PATJ: variants seen among roughly 807,000 people sequenced by gnomAD.
PATJ encodes the protein inaD-like protein.
A neutral mutation model predicts 224.9 loss-of-function variants in PATJ; 190 were observed. That is an observed-to-expected ratio of 0.84 (90% CI 0.75 to 0.95). PATJ has a LOEUF of 0.95. PATJ is among the 40% of genes least tolerant of loss of function. PATJ has a pLI of 0.00. For synonymous variants in PATJ, 769 were observed against 820.3 expected, an observed-to-expected ratio of 0.94 and a Z score of 1.07; for missense variants, 2,121 against 2,270.3, an observed-to-expected ratio of 0.93 and a Z score of 1.34.
At chr1:62,040,539 T>A (rs1442387269) in intron 30 of PATJ, among the ~76,000 whole-genome samples, 1 of 152,042 alleles carries the variant, frequency 6.6e-6, no homozygotes, top group Non-Finnish European at 1.5e-5. Context: ...AAGATAAAAA[T>A]TAAAAGAAAA....
intron 14 of PATJ, among the ~76,000 whole-genome samples, chr1:61,820,855 A>T (rs1009105938): frequency 2.6e-5 from 4 of 152,066 alleles, no homozygotes; most frequent in Non-Finnish European, 5.9e-5. Flanking sequence ...GGCAGAGATG[A>T]GTGGTAAACT....
chr1:61,885,458 A>G (rs1236104258), intron 22 of PATJ, among the ~76,000 whole-genome samples: 5 of 152,178 alleles, frequency 3.3e-5, no homozygotes, highest in African/African-American at 1.2e-4. Context: ...AGAGAAATGC[A>G]AATCAAAACC....
chr1:61,813,372 T>G (rs948007607), intron 14 of PATJ, among the ~76,000 whole-genome samples: 4 of 44,538 alleles, frequency 9.0e-5, no homozygotes, highest in East Asian at 8.0e-4. Flanking sequence ...TATATATATA[T>G]ATATATACAC....
chr1:61,788,024 A>C, intron 8 of PATJ, 52 bp downstream of exon 8: 1 of 1,390,586 alleles, frequency 7.2e-7, no homozygotes, highest in Non-Finnish European at 1.0e-6. Context: ...GGTGTGACAC[A>C]CTGTAAGATA....
intron 30 of PATJ, among the ~76,000 whole-genome samples, chr1:62,049,700 A>G (rs1412847225): frequency 6.6e-6 from 1 of 152,228 alleles, no homozygotes; most frequent in Non-Finnish European, 1.5e-5. Context: ...TTTTAGTGGT[A>G]TGTATTATTG....
At chr1:61,935,553 G>T (rs1041899520) in intron 27 of PATJ, among the ~76,000 whole-genome samples, 2 of 152,128 alleles carry the variant, frequency 1.3e-5, no homozygotes, top group East Asian at 1.9e-4. Flanking sequence ...AGCACTTTGG[G>T]AGGCCAAGGC....
At chr1:61,978,511 C>T (rs143214630) in intron 27 of PATJ, among the ~76,000 whole-genome samples, 1,745 of 152,082 alleles carry the variant, frequency 0.011, 72 homozygotes, top group African/African-American at 0.039. Context: ...GTGATCTGCC[C>T]GCCTCGGCCT....
chr1:61,896,261 A>C (rs895628372), intron 22 of PATJ, among the ~76,000 whole-genome samples: 6 of 148,970 alleles, frequency 4.0e-5, no homozygotes, highest in Non-Finnish European at 8.9e-5. Context: ...GCACCACTGC[A>C]CTCCATCCTG....
chr1:62,102,306 C>G (rs1201830559), intron 33 of PATJ, among the ~76,000 whole-genome samples: 1 of 152,206 alleles, frequency 6.6e-6, no homozygotes, highest in African/African-American at 2.4e-5. Context: ...AATCACACAA[C>G]TACCAGGAGG....
At chr1:61,817,225 G>A (rs771601644) in intron 14 of PATJ, among the ~76,000 whole-genome samples, 18 of 152,162 alleles carry the variant, frequency 1.2e-4, no homozygotes, top group Non-Finnish European at 2.9e-5. Flanking sequence ...TATATCACAT[G>A]GGCCAGGCAG....
intron 34 of PATJ, among the ~76,000 whole-genome samples, chr1:62,111,171 G>A (rs1663765564): frequency 6.6e-6 from 1 of 152,158 alleles, no homozygotes; most frequent in Admixed American, 6.5e-5. Flanking sequence ...AGGGCCTTTC[G>A]AACAGTATTT....
intron 33 of PATJ, among the ~76,000 whole-genome samples, chr1:62,092,746 ATTTT>A (rs1054834510): frequency 6.6e-6 from 1 of 151,142 alleles, no homozygotes; most frequent in African/African-American, 2.4e-5. Context: ...TTATTTATTT[ATTTT>A]TTTATTTTTT....
intron 27 of PATJ, among the ~76,000 whole-genome samples, chr1:61,930,075 ATACATTT>A (rs1171975504): frequency 6.6e-6 from 1 of 152,198 alleles, no homozygotes; most frequent in East Asian, 1.9e-4. Flanking sequence ...CTATAATATT[ATACATTT>A]CACAGATTCT....
At chr1:61,778,669 A>G (rs958308258) in intron 7 of PATJ, among the ~76,000 whole-genome samples, 1 of 152,150 alleles carries the variant, frequency 6.6e-6, no homozygotes, top group Non-Finnish European at 1.5e-5. Flanking sequence ...AGAGATTTGT[A>G]AAAATATTAA....
At chr1:61,975,431 C>T (rs895556010) in intron 27 of PATJ, among the ~76,000 whole-genome samples, 3 of 152,002 alleles carry the variant, frequency 2.0e-5, no homozygotes, top group African/African-American at 7.3e-5. Flanking sequence ...TAGCATAGTG[C>T]CTAGCCCAGA....
intron 29 of PATJ, among the ~76,000 whole-genome samples, chr1:62,023,637 A>C (rs1377021134): frequency 1.3e-5 from 2 of 152,174 alleles, no homozygotes; most frequent in Non-Finnish European, 2.9e-5. Flanking sequence ...TTAGGCTAAG[A>C]CTCGAAGGAT....
At chr1:62,114,840 A>G (rs1239607616) in intron 35 of PATJ, 1 of 152,162 alleles carries the variant, frequency 6.6e-6, no homozygotes, top group Non-Finnish European at 1.5e-5. Context: ...ATAGTGTGCT[A>G]TGATCATGCC....
At chr1:62,064,383 C>T (rs972982270) in intron 31 of PATJ, among the ~76,000 whole-genome samples, 2 of 149,582 alleles carry the variant, frequency 1.3e-5, no homozygotes, top group African/African-American at 4.9e-5. Flanking sequence ...GGAGTGAGTG[C>T]AGTGGCACAA....
At chr1:62,048,854 T>G (rs1290870680) in intron 30 of PATJ, among the ~76,000 whole-genome samples, 3 of 152,144 alleles carry the variant, frequency 2.0e-5, no homozygotes, top group African/African-American at 7.2e-5. Context: ...ATTTTGGATT[T>G]CAGATTTTTC....
Sources: gnomAD v4.1 joint callset for allele counts (sites outside exome capture counted in the v4.1 genomes callset) on GRCh38, gnomAD v4.1.1 for gene constraint, MANE v1.5 for transcripts, NCBI Gene and HGNC (gene_info 2026-07-23, HGNC 2026-07-21) for gene names.